The following CEP152 variants were observed in gnomAD, a reference collection of about 807,000 sequenced individuals.
CEP152 encodes the protein centrosomal protein 152.
CEP152 carries 132 observed loss-of-function variants against 188.9 expected under a neutral mutation model. That is an observed-to-expected ratio of 0.70 (90% CI 0.61 to 0.81). The LOEUF is 0.81. CEP152 is among the 30% of genes least tolerant of loss of function. CEP152 has a pLI of 0.00. For synonymous variants in CEP152, 649 were observed against 666.6 expected, an observed-to-expected ratio of 0.97 and a Z score of 0.41; for missense variants, 1,914 against 1,969.8, an observed-to-expected ratio of 0.97 and a Z score of 0.54.
At chr15:48,744,404 A>C in intron 23 of CEP152, 61 bp from the exon 24 acceptor site, 5 of 1,595,462 alleles carry the variant, frequency 3.1e-6, no homozygotes, top group Non-Finnish European at 2.6e-6. Flanking sequence ...TCATTTGAAA[A>C]ATATATATGT....
intron 9 of CEP152, among the ~76,000 whole-genome samples, chr15:48,787,040 T>C (rs144699120): frequency 2.0e-5 from 3 of 152,192 alleles, no homozygotes; most frequent in East Asian, 1.9e-4. Flanking sequence ...AACTTCAATG[T>C]TACCCTATGT....
intron 10 of CEP152, 142 bp from the exon 11 acceptor site, chr15:48,782,372 C>G: frequency 1.4e-6 from 1 of 721,042 alleles, no homozygotes. Flanking sequence ...TACATAGAGC[C>G]CATGGGACCC....
At chr15:48,808,983 C>T (rs149834836) in intron 1 of CEP152, among the ~76,000 whole-genome samples, 1,528 of 152,246 alleles carry the variant, frequency 0.01, 16 homozygotes, top group African/African-American at 0.033. Flanking sequence ...CTTAACAAGA[C>T]TATAAAAAGT....
chr15:48,770,675 G>C (rs1350900993), intron 13 of CEP152, among the ~76,000 whole-genome samples: 1 of 152,126 alleles, frequency 6.6e-6, no homozygotes, highest in Non-Finnish European at 1.5e-5. Flanking sequence ...TCCTTTTAAA[G>C]AAATGTAGGG....
In CEP152 at chr15:48,756,257, A is replaced by G; in HGVS notation, c.2991T>C (p.Ala997=). 6.3e-7 allele frequency: 1 copy of G among 1,597,672 alleles called. No homozygotes were observed. The highest frequency in any genetic ancestry group is 1.7e-5 in the Admixed American group (1 of 57,590). ...TTTTTTGTTTCATAAAGTCTTCTTT[A>G]GCTGCCGCAAGCACCTCATTAATTT... ...RNKINEVLAA[A]KEDFMKQKTE... Residue 997 remains alanine (A), a synonymous_variant, in exon 20 of 27, where the codon GCT becomes GCC. Coordinates refer to ENST00000380950, the MANE Select transcript of CEP152 (RefSeq NM_001194998.2).
At position 48,767,403 on chromosome 15, in the gene CEP152, T is replaced by C. The variant is rs756452377; in HGVS notation, c.2079A>G (p.Leu693=). Residue 693 remains leucine, a synonymous_variant, in exon 16 of 27, where the codon CTA becomes CTG. Transcript: ENST00000380950. ...GCTTCTCCAAAGCATGCTTTGCTAA[T>C]AGGCTTTCACGTATTTGAGTTTTCA... The part of the protein sequence containing the change: ...EAMKTQIRES[L]LAKHALEKQQ... 1.2e-6 allele frequency: 2 copies of C among 1,614,176 alleles called. No individual in the cohort carries two copies. The highest frequency in any genetic ancestry group is 1.7e-6 in the Non-Finnish European group (2 of 1,180,018).
At position 48,747,121 on chromosome 15, in the gene CEP152, G is replaced by A. The variant is rs555212410; in HGVS notation, c.3634+1322C>T. ...CCACTGAAGAGCTTTAAACAAGAGT[G>A]TCATGTTTCAATTCACTTTTTAAAA... On this transcript the variant is annotated intron_variant, in intron 22 of 26. Transcript: ENST00000380950. Among the ~76,000 whole-genome samples the A allele has an allele frequency of 2.2e-4, 34 of 152,266 alleles. 1 individual carries two copies. In the South Asian group the frequency reaches 6.8e-3, roughly 31 times the overall value.
chr15:48,767,096 C>T lies in CEP152; in HGVS notation c.2244G>A (p.Arg748=). ...REKDNLELTL[R]KTTEKEQQTQ... is the part of the protein sequence containing the mutation. ...TCTGTTGCTCCTTTTCAGTGGTCTT[C>T]CTGAGAGTCAATTCTAGATTATCCT... Residue 748 remains arginine (R), a synonymous_variant, in exon 17 of 27, where the codon AGG becomes AGA. Transcript: ENST00000380950. 6.2e-7 allele frequency: 1 copy of T among 1,613,392 alleles called. No homozygotes were observed. The highest frequency in any genetic ancestry group is 8.5e-7 in the Non-Finnish European group (1 of 1,180,012).
At chr15:48,734,310 C>T (rs1044306657), downstream of CEP152, among the ~76,000 whole-genome samples, 1 of 149,760 alleles carries the variant, frequency 6.7e-6, no homozygotes, top group Admixed American at 6.7e-5. Flanking sequence ...CTATATTGTA[C>T]CAGAAGTTAG....
intron 2 of CEP152, chr15:48,729,448 G>C (rs1892349993): frequency 6.6e-6 from 1 of 152,088 alleles, no homozygotes; most frequent in African/African-American, 2.4e-5. Flanking sequence ...GAGCGGGGAG[G>C]ATCATTTGAA....
chr15:48,778,326 T>C (rs1896043320), intron 12 of CEP152, among the ~76,000 whole-genome samples: 1 of 152,192 alleles, frequency 6.6e-6, no homozygotes, highest in African/African-American at 2.4e-5. Context: ...AAATTATTGC[T>C]TCCCCTTATT....
rs34837739 is a variant in CEP152 at position 48,765,636 on chromosome 15, A to ATTTTTTTTTTTTT, written c.2280+1411_2280+1423dup. 2.6e-4 allele frequency: 49 copies of ATTTTTTTTTTTTT among 189,470 alleles called. 2 individuals are homozygous for ATTTTTTTTTTTTT. The highest frequency in any genetic ancestry group is 8.3e-4 in the Middle Eastern group (1 of 1,204). The allele number at this position is 189,470 out of a possible 1,614,324, so 11.7% of individuals were successfully genotyped here. A position where few individuals can be genotyped will look rare whatever the true frequency, so the allele number is the denominator to read the frequency against. On this transcript the variant is annotated intron_variant, in intron 17 of 26. Transcript: ENST00000380950. ...GAAAATTCCTCTTATGTTCTTGCCA[A>ATTTTTTTTTTTTT]TTTTTTTTTTTTTTTTTTTTTTTTT...
chr15:48,762,320 T>C (rs1894742957), intron 18 of CEP152, 71 bp downstream of exon 18: 14 of 1,347,896 alleles, frequency 1.0e-5, no homozygotes, highest in East Asian at 2.3e-5. Context: ...AGTTCAATGA[T>C]AGCATTGTAT....
At chr15:48,783,677 G>C (rs970090413) in intron 10 of CEP152, among the ~76,000 whole-genome samples, 1 of 150,270 alleles carries the variant, frequency 6.7e-6, no homozygotes, top group Non-Finnish European at 1.5e-5. Flanking sequence ...GTAGAATTAC[G>C]GTTATTTTTA....
chr15:48,765,139 C>A (rs1200948058), intron 17 of CEP152, among the ~76,000 whole-genome samples: 1 of 152,028 alleles, frequency 6.6e-6, no homozygotes, highest in African/African-American at 2.4e-5. Context: ...AATGAATTCC[C>A]AGAGAGGGAA....
At chr15:48,743,213 C>T (rs745509672) in intron 24 of CEP152, among the ~76,000 whole-genome samples, 21 of 151,906 alleles carry the variant, frequency 1.4e-4, no homozygotes, top group Non-Finnish European at 2.4e-4. Context: ...TTATAAATAC[C>T]GAATGAGCTT....
chr15:48,800,185 CTGGATACATACATAAACA>C (rs1400985650), intron 2 of CEP152, among the ~76,000 whole-genome samples: 1 of 152,152 alleles, frequency 6.6e-6, no homozygotes, highest in African/African-American at 2.4e-5. Flanking sequence ...CAAAATGCTT[CTGGATACATACATAAACA>C]TCAACTAGCA....
downstream of CEP152, among the ~76,000 whole-genome samples, chr15:48,736,749 A>T (rs1892618626): frequency 6.6e-6 from 1 of 152,240 alleles, no homozygotes; most frequent in South Asian, 2.1e-4. Context: ...GCAGAAAGCA[A>T]GAGAACTTCC....
rs753893950 is a variant in CEP152 at position 48,767,181 on chromosome 15, T to C, written c.2159A>G (p.Asp720Gly). Reference protein sequence around the residue: ...RTHLQLRSELDKLNKEVTAVQ... With the variant: ...RTHLQLRSELGKLNKEVTAVQ... ...AGCAGTCACCTCCTTATTCAACTTA[T>C]CCAACTCAGACCTTGGATACACAAA... Residue 720 changes from aspartate to glycine, a missense_variant, in exon 17 of 27, where the codon GAT becomes GGT. Physicochemically the swap from Asp to Gly is moderately conservative, Grantham distance 94. Transcript: ENST00000380950. The C allele has an allele frequency of 5.4e-5, 87 of 1,613,806 alleles. No individual in the cohort carries two copies. The highest frequency in any genetic ancestry group is 7.3e-5 in the Non-Finnish European group (86 of 1,180,016).
Sources: allele counts gnomAD v4.1 joint callset (sites outside exome capture counted in the v4.1 genomes callset), GRCh38; gene constraint gnomAD v4.1.1; transcripts MANE v1.5; gene names NCBI Gene and HGNC (gene_info 2026-07-23, HGNC 2026-07-21).